Variants in USP45 observed in about 807,000 individuals in gnomAD.
USP45 encodes the protein ubiquitin specific peptidase 45.
Under a neutral mutation model 95.8 loss-of-function variants are expected in USP45, and 89 were observed. The ratio of observed to expected loss-of-function variants is 0.93; its 90% CI spans 0.78 to 1.11. USP45 has a LOEUF of 1.11. USP45 is among the 50% of genes least tolerant of loss of function. USP45 has a pLI of 0.00. For missense variants in USP45, 898 were observed against 942.5 expected, an observed-to-expected ratio of 0.95 and a Z score of 0.62; for synonymous variants, 281 against 316.2, an observed-to-expected ratio of 0.89 and a Z score of 1.18.
chr6:99,477,138 T>C (rs1791070422), intron 8 of USP45, among the ~76,000 whole-genome samples: 1 of 152,210 alleles, frequency 6.6e-6, no homozygotes, highest in Admixed American at 6.5e-5. Flanking sequence ...CTATTTATGA[T>C]ATTTACAACA....
chr6:99,510,162 G>A lies in USP45; in HGVS notation c.59C>T (p.Pro20Leu), dbSNP rs751969330. 1 of 1,613,914 alleles carries A rather than the reference G, an allele frequency of 6.2e-7. No homozygotes were observed. The highest frequency in any genetic ancestry group is 1.7e-5 in the Admixed American group (1 of 60,010). The change falls in exon 2 of 18, where the codon CCT becomes CTT. Residue 20 changes from proline (P) to leucine (L), a missense_variant. By Grantham distance (98) the Pro-to-Leu change is moderately conservative. Coordinates refer to ENST00000500704, the MANE Select transcript of USP45 (RefSeq NM_001346022.3). ...LPEKAKRSKRPTVPHDEDSSD... is the reference protein window; with the variant it reads ...LPEKAKRSKRLTVPHDEDSSD... ...AGAGTCTTCATCATGAGGTACAGTA[G>A]GCCTTTTACTTCTTTTGGCTTTCTC...
chr6:99,514,169 A>C (rs756333888), intron 1 of USP45, among the ~76,000 whole-genome samples: 1 of 152,222 alleles, frequency 6.6e-6, no homozygotes, highest in African/African-American at 2.4e-5. Flanking sequence ...ACAATGCAGT[A>C]TGGATATAAA....
intron 8 of USP45, among the ~76,000 whole-genome samples, chr6:99,478,235 T>TG (rs1791396958): frequency 1.3e-5 from 2 of 150,378 alleles, no homozygotes; most frequent in Non-Finnish European, 3.0e-5. Flanking sequence ...TTTTTTTTTT[T>TG]TTTTTTTTTA....
chr6:99,443,718 A>G (rs1781947502), intron 14 of USP45, 56 bp from the exon 15 acceptor site: 3 of 1,138,488 alleles, frequency 2.6e-6, no homozygotes, highest in South Asian at 1.8e-5. Context: ...ATTATCTACC[A>G]TATAATAAAA....
At chr6:99,504,564 T>C (rs1199918232) in intron 4 of USP45, among the ~76,000 whole-genome samples, 5 of 152,196 alleles carry the variant, frequency 3.3e-5, no homozygotes, top group Non-Finnish European at 5.9e-5. Flanking sequence ...ATGGGCATTC[T>C]TTATATACAT....
At chr6:99,462,032 T>C (rs1329544680) in intron 13 of USP45, 1 of 985,170 alleles carries the variant, frequency 1.0e-6, no homozygotes, top group Admixed American at 6.1e-5. Context: ...TTTTCGCTTC[T>C]TGAATATAGT....
Position 99,449,794 on chromosome 6 carries a change from A to T in USP45, c.1309-3331T>A, listed in dbSNP as rs147084778. On this transcript the variant is annotated intron_variant, in intron 13 of 17. Coordinates refer to ENST00000500704, the MANE Select transcript of USP45 (RefSeq NM_001346022.3). ...CACAGTTGGAAGTCAAGCACTCCTC[A>T]GCAAATGTAAAAGAACAGAAATTAT... is the stretch of plus-strand genomic sequence containing the variant. 6.2e-3 allele frequency among the ~76,000 whole-genome samples: 943 copies of T among 152,342 alleles called. 4 individuals carry two copies. Among genetic ancestry groups the T allele is most frequent in the Non-Finnish European group, 0.01 (691 of 68,040 alleles).
At chr6:99,488,928 T>C in intron 5 of USP45, 108 bp from the exon 6 acceptor site, 1 of 832,700 alleles carries the variant, frequency 1.2e-6, no homozygotes. Context: ...ATTATCTCCC[T>C]GAATCAGTGT....
intron 13 of USP45, among the ~76,000 whole-genome samples, chr6:99,456,956 G>A (rs1785222652): frequency 6.6e-6 from 1 of 152,192 alleles, no homozygotes; most frequent in Non-Finnish European, 1.5e-5. Context: ...ATGCGTGCCT[G>A]GGGGTAGGCC....
intron 13 of USP45, among the ~76,000 whole-genome samples, chr6:99,449,620 TC>T (rs1783399131): frequency 6.8e-6 from 1 of 146,214 alleles, no homozygotes; most frequent in South Asian, 2.2e-4. Flanking sequence ...ATTAGACAGA[TC>T]AATGAGACAG....
intron 13 of USP45, chr6:99,462,539 T>C: frequency 1.0e-6 from 1 of 985,444 alleles, no homozygotes; most frequent in Non-Finnish European, 1.2e-6. Context: ...TAAGATGCTT[T>C]GTTTTATACC....
chr6:99,491,369 C>G (rs1795130971), intron 5 of USP45, among the ~76,000 whole-genome samples: 1 of 152,202 alleles, frequency 6.6e-6, no homozygotes, highest in Non-Finnish European at 1.5e-5. Context: ...ACAGACAGAA[C>G]AGTCTGCTTC....
intron 17 of USP45, among the ~76,000 whole-genome samples, chr6:99,436,197 G>A (rs1223020662): frequency 6.7e-6 from 1 of 150,032 alleles, no homozygotes; most frequent in Non-Finnish European, 1.5e-5. Flanking sequence ...TCCCCTCCCT[G>A]TGTCCATGTG....
rs1787541931 is a variant in USP45, at chr6:99,464,896, TA to T, written c.1165-150del. On this transcript the variant is annotated intron_variant, in intron 12 of 17. Coordinates refer to ENST00000500704, the MANE Select transcript of USP45 (RefSeq NM_001346022.3). The stretch of plus-strand genomic sequence containing the variant: ...TTTAAGAGTTTAAATTCCTTGAGAA[TA>T]AAAACCATCATACTTTATGCATACT... 4 of 1,082,452 alleles carry T rather than the reference TA, an allele frequency of 3.7e-6. No homozygotes were observed. The East Asian group carries it at 1.1e-4, about 29-fold the overall frequency. The allele number at this position is 1,082,452 out of a possible 1,614,324, so 67.1% of individuals were successfully genotyped here.
At chr6:99,472,594 A>C (rs1789716261) in intron 9 of USP45, among the ~76,000 whole-genome samples, 1 of 152,152 alleles carries the variant, frequency 6.6e-6, no homozygotes, top group African/African-American at 2.4e-5. Context: ...CATGGGGAAA[A>C]AAATAATTCT....
chr6:99,491,232 A>G (rs1465530554), intron 5 of USP45, among the ~76,000 whole-genome samples: 1 of 152,242 alleles, frequency 6.6e-6, no homozygotes, highest in Admixed American at 6.5e-5. Flanking sequence ...CAGGCATGGA[A>G]AAAAGAAAAG....
At chr6:99,467,781 T>C (rs1187459283) in intron 10 of USP45, among the ~76,000 whole-genome samples, 1 of 152,006 alleles carries the variant, frequency 6.6e-6, no homozygotes, top group African/African-American at 2.4e-5. Context: ...AACCCTTAAT[T>C]ACAATAAAGT....
chr6:99,477,708 A>G (rs557810042), intron 8 of USP45, among the ~76,000 whole-genome samples: 15 of 152,114 alleles, frequency 9.9e-5, no homozygotes, highest in Non-Finnish European at 1.6e-4. Flanking sequence ...TAAAACATTA[A>G]CCGGTCATCA....
intron 7 of USP45, among the ~76,000 whole-genome samples, chr6:99,487,271 A>C (rs1794134931): frequency 6.6e-6 from 1 of 152,110 alleles, no homozygotes; most frequent in Non-Finnish European, 1.5e-5. Context: ...AGATTTTCTA[A>C]ATGGCAAAGT....
Sources: gnomAD v4.1 joint callset for allele counts (sites outside exome capture counted in the v4.1 genomes callset) on GRCh38, gnomAD v4.1.1 for gene constraint, MANE v1.5 for transcripts, NCBI Gene and HGNC (gene_info 2026-07-23, HGNC 2026-07-21) for gene names.